Variants in ACSL3 observed in about 807,000 individuals in gnomAD.
The protein encoded by ACSL3 is fatty acid CoA ligase Acsl3.
In ACSL3, 34 loss-of-function variants were observed where a neutral mutation model predicts 84.7. That is an observed-to-expected ratio of 0.40 (90% CI 0.31 to 0.53). The LOEUF is 0.53. Among genes scored for constraint, ACSL3 ranks in the 20% least tolerant of loss-of-function variants. ACSL3 has a pLI of 0.48. For synonymous variants in ACSL3, 315 were observed against 299.4 expected (o/e 1.05, Z -0.54); for missense variants, 680 against 873.1 (o/e 0.78, Z 2.79).
In ACSL3 at chr2:222,922,787, G is replaced by A. The variant is rs1696775046; in HGVS notation, c.1036G>A (p.Gly346Arg). 3 of 1,614,130 alleles carry A rather than the reference G, an allele frequency of 1.9e-6. No individual in the cohort carries two copies. Among genetic ancestry groups the A allele is most frequent in the Non-Finnish European group, 2.5e-6 (3 of 1,179,992 alleles). ...TGCTGAGCTTGTCTGTCTTTCTCAC[G>A]GATGCCGCATTGGTTACTCTTCACC... ...LSAELVCLSHGCRIGYSSPQT... is the reference protein window; with the variant it reads ...LSAELVCLSHRCRIGYSSPQT... Residue 346 changes from glycine (G) to arginine (R), a missense_variant, in exon 9 of 17, where the codon GGA becomes AGA. Around this residue, in one of 2 missense-constraint regions of ACSL3, gnomAD observed 347 missense variants for 525.7 expected, o/e 0.66. Transcript: ENST00000357430.
intron 2 of ACSL3, among the ~76,000 whole-genome samples, chr2:222,894,323 C>T (rs2106105423): frequency 6.6e-6 from 1 of 152,318 alleles, no homozygotes; most frequent in South Asian, 2.1e-4. Flanking sequence ...GAGAAGAGAT[C>T]TTCCTTGTGC....
intron 12 of ACSL3, among the ~76,000 whole-genome samples, chr2:222,927,558 G>A (rs1370550664): frequency 1.3e-5 from 2 of 152,172 alleles, no homozygotes; most frequent in Non-Finnish European, 2.9e-5. Flanking sequence ...GTGTAGGTGA[G>A]TATATTAAGG....
intron 1 of ACSL3, among the ~76,000 whole-genome samples, chr2:222,870,690 G>A (rs1279648409): frequency 6.6e-6 from 1 of 152,160 alleles, no homozygotes; most frequent in Non-Finnish European, 1.5e-5. Flanking sequence ...AATGAGCAAA[G>A]GCAGAGAAGA....
chr2:222,930,301 A>G (rs1404451334), intron 13 of ACSL3, among the ~76,000 whole-genome samples: 3 of 152,204 alleles, frequency 2.0e-5, no homozygotes, highest in Admixed American at 2.0e-4. Context: ...TATCAATATG[A>G]TATTTAAGAT....
rs147870648 is a variant in ACSL3, at chr2:222,941,138, G to T, written c.2006-359G>T. Among the ~76,000 whole-genome samples, 407 of 152,052 alleles carry T rather than the reference G, an allele frequency of 2.7e-3. 1 individual carries two copies. Among genetic ancestry groups the T allele is most frequent in the African/African-American group, 9.5e-3 (396 of 41,500 alleles). ...AGAGACAAGGTCTCGCTATGTTACC[G>T]AGGCTGGCCTTGAATTCCTGGCCTC... On this transcript the variant is annotated intron_variant, in intron 16 of 16. Coordinates refer to ENST00000357430, the MANE Select transcript of ACSL3 (RefSeq NM_004457.5).
intron 1 of ACSL3, among the ~76,000 whole-genome samples, chr2:222,878,081 A>T (rs1695497205): frequency 6.6e-6 from 1 of 152,192 alleles, no homozygotes; most frequent in Non-Finnish European, 1.5e-5. Context: ...AGCGTATAGG[A>T]GACACTCACA....
intron 2 of ACSL3, among the ~76,000 whole-genome samples, chr2:222,890,378 A>G (rs1695815261): frequency 6.6e-6 from 1 of 152,200 alleles, no homozygotes. Flanking sequence ...ATTTTAAGCT[A>G]TTGTACCTCT....
chr2:222,884,445 C>T (rs889986461), intron 1 of ACSL3, among the ~76,000 whole-genome samples: 4 of 152,178 alleles, frequency 2.6e-5, no homozygotes, highest in African/African-American at 7.2e-5. Context: ...ATCAGTGTTA[C>T]TGGGTTGAAA....
chr2:222,881,523 G>A (rs1011425122), intron 1 of ACSL3, among the ~76,000 whole-genome samples: 39 of 152,028 alleles, frequency 2.6e-4, no homozygotes, highest in African/African-American at 7.5e-4. Context: ...TTCACTCCCC[G>A]CCCCACCCCT....
chr2:222,912,314 G>A (rs149951715), intron 4 of ACSL3, among the ~76,000 whole-genome samples: 3 of 152,180 alleles, frequency 2.0e-5, no homozygotes, highest in African/African-American at 4.8e-5. Context: ...GGCCTTTTTC[G>A]TTTTCCCCTC....
chr2:222,922,941 T>C (rs1194825916), intron 9 of ACSL3, 110 bp downstream of exon 9: 8 of 1,474,852 alleles, frequency 5.4e-6, no homozygotes, highest in Non-Finnish European at 6.5e-6. Context: ...CATTTTAAAA[T>C]GAGCTTTAGC....
chr2:222,867,799 A>T (rs1695191956), intron 1 of ACSL3, among the ~76,000 whole-genome samples: 1 of 152,068 alleles, frequency 6.6e-6, no homozygotes. Flanking sequence ...TTGACACTGT[A>T]GTTAACCTGT....
At chr2:222,864,825 C>T (rs1695098589) in intron 1 of ACSL3, among the ~76,000 whole-genome samples, 1 of 152,110 alleles carries the variant, frequency 6.6e-6, no homozygotes, top group South Asian at 2.1e-4. Flanking sequence ...TGTGTCTTTG[C>T]TGGGAGGAGG....
At chr2:222,920,875 TG>T (rs1160754699) in intron 7 of ACSL3, 1 of 432,006 alleles carries the variant, frequency 2.3e-6, no homozygotes, top group Non-Finnish European at 4.7e-6. Flanking sequence ...TTCCTACCTT[TG>T]GGTCTTTGCA....
chr2:222,927,340 AT>A, intron 12 of ACSL3, 151 bp downstream of exon 12: 1 of 760,342 alleles, frequency 1.3e-6, no homozygotes. Context: ...ATTGATATCA[AT>A]TTTTAGAATG....
intron 1 of ACSL3, among the ~76,000 whole-genome samples, chr2:222,884,501 C>G (rs1695673182): frequency 6.6e-6 from 1 of 152,200 alleles, no homozygotes; most frequent in African/African-American, 2.4e-5. Context: ...AGAACCTGTT[C>G]CTTGCCTCTT....
intron 3 of ACSL3, among the ~76,000 whole-genome samples, chr2:222,903,111 C>T (rs547945563): frequency 2.1e-4 from 32 of 151,872 alleles, no homozygotes; most frequent in African/African-American, 7.0e-4. Flanking sequence ...TTAGTCATGT[C>T]ATGAAATAGA....
intron 1 of ACSL3, among the ~76,000 whole-genome samples, chr2:222,874,183 C>T (rs929600753): frequency 2.0e-5 from 3 of 152,060 alleles, no homozygotes; most frequent in East Asian, 3.9e-4. Context: ...CCACCACACC[C>T]GGCTCATTTT....
At chr2:222,869,019 A>G (rs1011969530) in intron 1 of ACSL3, among the ~76,000 whole-genome samples, 1 of 152,074 alleles carries the variant, frequency 6.6e-6, no homozygotes, top group Non-Finnish European at 1.5e-5. Context: ...TTTTTGAAAT[A>G]CGTATAAAGC....
Sources: allele counts gnomAD v4.1 joint callset (sites outside exome capture counted in the v4.1 genomes callset), GRCh38; gene constraint gnomAD v4.1.1; regional missense constraint gnomAD v4.1.1; transcripts MANE v1.5; gene names NCBI Gene and HGNC (gene_info 2026-07-23, HGNC 2026-07-21).